Variants in SRC observed in about 807,000 individuals in gnomAD.
The protein encoded by SRC is proto-oncogene tyrosine-protein kinase Src.
In SRC, 13 loss-of-function variants were observed where a neutral mutation model predicts 62.9. The observed-to-expected ratio is 0.21, with a 90% CI of 0.13 to 0.33. SRC has a LOEUF of 0.33. Ranked by LOEUF, SRC falls within the 10% of genes least tolerant of loss-of-function variation. The pLI, the probability that SRC is intolerant of heterozygous loss-of-function variation, is 1.00. For missense variants in SRC, 457 were observed against 737.3 expected (o/e 0.62, Z 4.40); for synonymous variants, 302 against 317.5 (o/e 0.95, Z 0.52).
chr20:37,356,230 T>C (rs1483420582), intron 1 of SRC, among the ~76,000 whole-genome samples: 1 of 151,988 alleles, frequency 6.6e-6, no homozygotes, highest in Non-Finnish European at 1.5e-5. Flanking sequence ...ACAAAGGGCC[T>C]GAAGGTGCCC....
At chr20:37,373,195 T>C (rs919307434) in intron 2 of SRC, among the ~76,000 whole-genome samples, 4 of 149,650 alleles carry the variant, frequency 2.7e-5, no homozygotes, top group Admixed American at 1.3e-4. Context: ...TGTATACATA[T>C]ATGTACATAT....
chr20:37,364,698 C>T (rs1288125583), intron 1 of SRC, among the ~76,000 whole-genome samples: 1 of 152,150 alleles, frequency 6.6e-6, no homozygotes, highest in African/African-American at 2.4e-5. Context: ...TGTCACGATA[C>T]TTTCAGTAGT....
intron 2 of SRC, among the ~76,000 whole-genome samples, chr20:37,373,261 T>C (rs2070209910): frequency 8.0e-6 from 1 of 125,428 alleles, no homozygotes; most frequent in Non-Finnish European, 1.8e-5. Flanking sequence ...CACACACATG[T>C]ACATACGCAC....
chr20:37,348,502 T>G (rs370290738), intron 1 of SRC, among the ~76,000 whole-genome samples: 2 of 152,188 alleles, frequency 1.3e-5, no homozygotes, highest in South Asian at 4.1e-4. Flanking sequence ...AGCAGTATTG[T>G]GCTGGGGTTA....
rs1417229055 is a variant in SRC at position 37,398,809 on chromosome 20, T to C, written c.859+955T>C. ...CATTTCTGGCTTGGGTGAGAGGTGC[T>C]GTCCCTGGGAAGGGCCTCACTTCCT... On this transcript the variant is annotated intron_variant, in intron 9 of 13. Transcript: ENST00000373578. The surrounding 1 kb of genome is among the most constrained non-coding windows in gnomAD (Gnocchi z 5.2). 6.6e-6 allele frequency among the ~76,000 whole-genome samples: 1 copy of C among 152,236 alleles called. No homozygotes were observed. The highest frequency in any genetic ancestry group is 2.4e-5 in the African/African-American group (1 of 41,464).
At chr20:37,358,210 G>T (rs1366980139) in intron 1 of SRC, among the ~76,000 whole-genome samples, 2 of 152,230 alleles carry the variant, frequency 1.3e-5, no homozygotes, top group Non-Finnish European at 2.9e-5. Context: ...CTGATGTCCT[G>T]CATACGCCAT....
chr20:37,387,573 C>T (rs1013972618), intron 5 of SRC, among the ~76,000 whole-genome samples: 2 of 152,174 alleles, frequency 1.3e-5, no homozygotes, highest in African/African-American at 4.8e-5. Flanking sequence ...AGGGGGGGCT[C>T]TCCCGGCTCC....
chr20:37,396,434 C>T lies in SRC; in HGVS notation c.703+123C>T. ...ATCCTGCTTCTCTCCCCACTTCCCC[C>T]TCCCCCCTCCCTTCCTCTCTCCTCC... is the stretch of plus-strand genomic sequence containing the variant. On this transcript the variant is annotated intron_variant, in intron 8 of 13. Coordinates refer to ENST00000373578, the MANE Select transcript of SRC (RefSeq NM_198291.3). The surrounding 1 kb of genome is among the most constrained non-coding windows in gnomAD (Gnocchi z 6.1). 1 of 1,122,050 alleles carries T rather than the reference C, an allele frequency of 8.9e-7. No homozygotes were observed. The highest frequency in any genetic ancestry group is 1.3e-6 in the Non-Finnish European group (1 of 798,780). The allele number at this position is 1,122,050 out of a possible 1,614,324, so 69.5% of individuals were successfully genotyped here. A position where few individuals can be genotyped will look rare whatever the true frequency, so the allele number is the denominator to read the frequency against.
chr20:37,387,025 G>A (rs2070466027), intron 5 of SRC, among the ~76,000 whole-genome samples: 1 of 152,238 alleles, frequency 6.6e-6, no homozygotes, highest in Admixed American at 6.5e-5. Context: ...GTGGTGGAAG[G>A]GCAGCTTGCG....
At position 37,405,141 on chromosome 20, in the gene SRC, A is replaced by G; in HGVS notation, c.*1762A>G. On this transcript the variant is annotated 3_prime_UTR_variant, in exon 14 of 14. Coordinates refer to ENST00000373578, the MANE Select transcript of SRC (RefSeq NM_198291.3). The stretch of plus-strand genomic sequence containing the variant: ...ACCCAAGTCTTCTCCCGTCCATTCC[A>G]GTCAAATCTGGGCTCACTCACCCCA... 2 of 232,622 alleles carry G rather than the reference A, an allele frequency of 8.6e-6. No homozygotes were observed. The highest frequency in any genetic ancestry group is 1.2e-4 in the East Asian group (2 of 16,494). The allele number at this position is 232,622 out of a possible 1,614,324, so 14.4% of individuals were successfully genotyped here. A position where few individuals can be genotyped will look rare whatever the true frequency, so the allele number is the denominator to read the frequency against.
At position 37,402,655 on chromosome 20, in the gene SRC, GT is replaced by G. The variant is rs1568646972; in HGVS notation, c.1270+73del. 2 of 1,572,656 alleles carry G rather than the reference GT, an allele frequency of 1.3e-6. No homozygotes were observed. The highest frequency in any genetic ancestry group is 1.7e-6 in the Non-Finnish European group (2 of 1,156,824). ...AGGTCACGTCCCGCTCTGAGCCCCA[GT>G]TTTTTCCTCAGCTGTCATTCCTCAT... On this transcript the variant is annotated intron_variant, in intron 12 of 13. Coordinates refer to ENST00000373578, the MANE Select transcript of SRC (RefSeq NM_198291.3). This position sits in a 1 kb window ranked among gnomAD's most constrained non-coding sequence, Gnocchi z 6.2.
At chr20:37,365,807 T>C (rs2070054914) in intron 2 of SRC, among the ~76,000 whole-genome samples, 1 of 152,116 alleles carries the variant, frequency 6.6e-6, no homozygotes, top group Non-Finnish European at 1.5e-5. Flanking sequence ...TAGTCTCGAA[T>C]GCCTGTGCTC....
chr20:37,384,097 CA>C lies in SRC; in HGVS notation c.-4-51del. 1 of 1,584,578 alleles carries C rather than the reference CA, an allele frequency of 6.3e-7. No homozygotes were observed. ...TGGAATGGGTGGGAGGGAGGCCGGCCAAGGGGCCCCGGCAGCCCTGCCTGTT... is the reference window on the plus strand; with the variant it reads ...TGGAATGGGTGGGAGGGAGGCCGGCCAGGGGCCCCGGCAGCCCTGCCTGTT... On this transcript the variant is annotated intron_variant, in intron 3 of 13. Transcript: ENST00000373578. This position sits in a 1 kb window ranked among gnomAD's most constrained non-coding sequence, Gnocchi z 6.7.
chr20:37,394,073 GAGGT>G, intron 6 of SRC, 80 bp downstream of exon 6: 1 of 1,561,294 alleles, frequency 6.4e-7, no homozygotes, highest in African/African-American at 1.4e-5. Context: ...GCTGGGGTGG[GAGGT>G]CTGGCTGTCC....
chr20:37,390,625 G>A (rs1246590748), intron 5 of SRC, among the ~76,000 whole-genome samples: 2 of 151,966 alleles, frequency 1.3e-5, no homozygotes, highest in Admixed American at 6.6e-5. Flanking sequence ...GGCTGGTCTC[G>A]AACTCCTGAC....
Position 37,400,260 on chromosome 20 carries a change from G to A in SRC, c.1005G>A (p.Glu335=). ...LVQLYAVVSE[E]PIYIVTEYMS... ...AGTTGTATGCTGTGGTTTCAGAGGA[G>A]CCCATTTACATCGTCACGGAGTACA... Residue 335 remains glutamate (E), a synonymous_variant, in exon 10 of 14, where the codon GAG becomes GAA. Coordinates refer to ENST00000373578, the MANE Select transcript of SRC (RefSeq NM_198291.3). 1.2e-6 allele frequency: 2 copies of A among 1,613,826 alleles called. No individual in the cohort carries two copies. Among genetic ancestry groups the A allele is most frequent in the Non-Finnish European group, 1.7e-6 (2 of 1,179,830 alleles).
chr20:37,361,573 A>G (rs1047537432), intron 1 of SRC, among the ~76,000 whole-genome samples: 4 of 152,194 alleles, frequency 2.6e-5, no homozygotes, highest in Admixed American at 2.6e-4. Flanking sequence ...GTGTTCCCAA[A>G]GCAGCTGGCA....
intron 1 of SRC, among the ~76,000 whole-genome samples, chr20:37,362,847 T>C (rs140704205): frequency 4.5e-3 from 692 of 152,122 alleles, no homozygotes; most frequent in Non-Finnish European, 6.8e-3. Flanking sequence ...GGAGAGATGG[T>C]GGGAAGTGGG....
At chr20:37,394,411 T>G (rs1601011255) in intron 7 of SRC, 134 bp downstream of exon 7, 1 of 724,612 alleles carries the variant, frequency 1.4e-6, no homozygotes, top group East Asian at 2.7e-5. Context: ...AATGGCAGGA[T>G]CAAAGTCAGG....
Sources: allele counts gnomAD v4.1 joint callset (sites outside exome capture counted in the v4.1 genomes callset), GRCh38; gene constraint gnomAD v4.1.1; non-coding constraint Gnocchi (gnomAD v3.1); transcripts MANE v1.5; gene names NCBI Gene and HGNC (gene_info 2026-07-23, HGNC 2026-07-21).